The following PHTF1 variants were observed in gnomAD, a reference collection of about 807,000 sequenced individuals.
The protein encoded by PHTF1 is protein PHTF1.
Under a neutral mutation model 102.4 loss-of-function variants are expected in PHTF1, and 88 were observed. That is an observed-to-expected ratio of 0.86 (90% confidence interval 0.72 to 1.03). The LOEUF is 1.03. Ranked by LOEUF, PHTF1 falls within the 50% of genes least tolerant of loss-of-function variation. PHTF1 has a pLI of 0.00. For synonymous variants in PHTF1, 289 were observed against 305.2 expected (o/e 0.95, Z 0.55); for missense variants, 814 against 909.5 (o/e 0.89, Z 1.35).
chr1:113,706,878 G>T (rs1230648), intron 11 of PHTF1, among the ~76,000 whole-genome samples, 156 bp from the exon 12 acceptor site: 1,494 of 96,674 alleles, frequency 0.015, 38 homozygotes, highest in African/African-American at 0.058. Flanking sequence ...TTTTTTTTGA[G>T]ACAGGGTATC....
chr1:113,734,456 C>T (rs1655173442), intron 5 of PHTF1, among the ~76,000 whole-genome samples: 1 of 152,102 alleles, frequency 6.6e-6, no homozygotes, highest in African/African-American at 2.4e-5. Flanking sequence ...GAAAAACAAT[C>T]CTTGTTACAG....
intron 16 of PHTF1, 118 bp downstream of exon 16, chr1:113,700,676 T>A (rs1649337408): frequency 1.2e-6 from 1 of 850,022 alleles, no homozygotes; most frequent in South Asian, 1.8e-5. Flanking sequence ...ACTTGTGAGG[T>A]CCTGTAGCTA....
chr1:113,753,781 C>T (rs781742452), intron 3 of PHTF1, among the ~76,000 whole-genome samples: 2 of 150,122 alleles, frequency 1.3e-5, no homozygotes, highest in Non-Finnish European at 3.0e-5. Flanking sequence ...CTTAAGCAAT[C>T]CTCTCACCTC....
chr1:113,721,258 T>C (rs1023758678), intron 7 of PHTF1, among the ~76,000 whole-genome samples: 3 of 152,192 alleles, frequency 2.0e-5, no homozygotes, highest in Non-Finnish European at 4.4e-5. Context: ...AAAAACCATA[T>C]AATCATTTCA....
intron 6 of PHTF1, chr1:113,725,338 A>C (rs540147048): frequency 6.6e-6 from 1 of 152,464 alleles, no homozygotes; most frequent in East Asian, 1.9e-4. Context: ...ATAGATATCA[A>C]TAAGACATAG....
At chr1:113,749,520 T>C (rs1474075522) in intron 3 of PHTF1, 2 of 152,220 alleles carry the variant, frequency 1.3e-5, no homozygotes, top group East Asian at 3.8e-4. Context: ...CTCTGATTTG[T>C]TTCTGGTCTT....
At chr1:113,731,447 G>A (rs1654618008) in intron 5 of PHTF1, among the ~76,000 whole-genome samples, 1 of 152,012 alleles carries the variant, frequency 6.6e-6, no homozygotes, top group South Asian at 2.1e-4. Flanking sequence ...GCTGAGGCAG[G>A]AGGATTGCCT....
chr1:113,748,271 G>A (rs1657521719), intron 3 of PHTF1, among the ~76,000 whole-genome samples: 2 of 151,538 alleles, frequency 1.3e-5, no homozygotes. Flanking sequence ...GAGCCACCAT[G>A]CCCAACGAAA....
intron 5 of PHTF1, among the ~76,000 whole-genome samples, chr1:113,736,572 C>T (rs370024848): frequency 6.6e-6 from 1 of 151,808 alleles, no homozygotes; most frequent in African/African-American, 2.4e-5. Context: ...TGGTGAAACC[C>T]CATGTCTACT....
At position 113,738,135 on chromosome 1, in the gene PHTF1, C is replaced by G. The variant is rs541473691; in HGVS notation, c.306G>C (p.Trp102Cys). ...CTTGCATGAAATAAAGTAGTAACAG[C>G]CAAACAAAGATTCTTAAAGAGGTAA... Reference protein sequence around the residue: ...IQVTSLRIFVWLLLLYFMQVI... With the variant: ...IQVTSLRIFVCLLLLYFMQVI... The change falls in exon 5 of 19, where the codon TGG (tryptophan) becomes TGC (cysteine). Residue 102 changes from tryptophan (W) to cysteine (C), a missense_variant. Transcript: ENST00000369604. 4 of 1,611,360 alleles carry G rather than the reference C, an allele frequency of 2.5e-6. No homozygotes were observed. The highest frequency in any genetic ancestry group is 1.7e-5 in the Admixed American group (1 of 59,854).
At chr1:113,720,240 GACAA>G (rs1216635587) in intron 7 of PHTF1, among the ~76,000 whole-genome samples, 3 of 152,072 alleles carry the variant, frequency 2.0e-5, no homozygotes, top group Non-Finnish European at 4.4e-5. Flanking sequence ...GCAGCAAGAG[GACAA>G]ACAATTGTAA....
chr1:113,721,083 C>A (rs1652856730), intron 7 of PHTF1, among the ~76,000 whole-genome samples: 1 of 152,078 alleles, frequency 6.6e-6, no homozygotes, highest in African/African-American at 2.4e-5. Flanking sequence ...CAAGCCTGGG[C>A]AACAGACTGA....
chr1:113,697,795 A>G, intron 18 of PHTF1, 70 bp from the exon 19 acceptor site: 1 of 1,018,044 alleles, frequency 9.8e-7, no homozygotes, highest in South Asian at 1.3e-5. Flanking sequence ...GTACACTTAC[A>G]TGACTATAAA....
intron 15 of PHTF1, among the ~76,000 whole-genome samples, chr1:113,702,848 T>C (rs1289820650): frequency 1.3e-5 from 2 of 152,152 alleles, no homozygotes; most frequent in Non-Finnish European, 2.9e-5. Flanking sequence ...TAGAGACATT[T>C]TGTAGGGTCA....
chr1:113,699,858 A>G, intron 16 of PHTF1, 59 bp from the exon 17 acceptor site: 1 of 736,386 alleles, frequency 1.4e-6, no homozygotes, highest in Admixed American at 2.9e-5. Context: ...TATACTGCAT[A>G]AAATCTGGCA....
chr1:113,735,797 A>T (rs185318979), intron 5 of PHTF1, among the ~76,000 whole-genome samples: 1 of 152,294 alleles, frequency 6.6e-6, no homozygotes, highest in East Asian at 1.9e-4. Context: ...TAACTGACAC[A>T]AATAGAAGAA....
intron 5 of PHTF1, among the ~76,000 whole-genome samples, chr1:113,730,127 G>A (rs190638282): frequency 1.9e-4 from 29 of 152,254 alleles, no homozygotes; most frequent in Admixed American, 8.5e-4. Context: ...GGTCAGAAGT[G>A]AGAGTGATCC....
intron 7 of PHTF1, among the ~76,000 whole-genome samples, chr1:113,722,347 G>A (rs925087738): frequency 4.6e-5 from 7 of 151,654 alleles, no homozygotes; most frequent in Non-Finnish European, 8.8e-5. Flanking sequence ...GCTGAGGCAG[G>A]AGAATGGCAT....
intron 7 of PHTF1, 54 bp from the exon 8 acceptor site, chr1:113,713,492 T>A: frequency 1.1e-6 from 1 of 913,800 alleles, no homozygotes; most frequent in East Asian, 2.6e-5. Context: ...ACACCTTTCA[T>A]GAAACCACTT....
Sources: allele counts gnomAD v4.1 joint callset (sites outside exome capture counted in the v4.1 genomes callset), GRCh38; gene constraint gnomAD v4.1.1; transcripts MANE v1.5; gene names NCBI Gene and HGNC (gene_info 2026-07-23, HGNC 2026-07-21).